Variants in KIF13B observed in about 807,000 individuals in gnomAD.
The protein encoded by KIF13B is kinesin family member 13B.
KIF13B carries 127 observed loss-of-function variants against 222.0 expected under a neutral mutation model. The ratio of observed to expected loss-of-function variants is 0.57; its 90% CI spans 0.50 to 0.66. The LOEUF (loss-of-function observed/expected upper bound fraction) is 0.66. Among genes scored for constraint, KIF13B ranks in the 30% least tolerant of loss-of-function variants. The pLI is 0.00. For missense variants in KIF13B, 2,173 were observed against 2,379.0 expected, an observed-to-expected ratio of 0.91 and a Z score of 1.80; for synonymous variants, 976 against 919.0, an observed-to-expected ratio of 1.06 and a Z score of -1.12.
chr8:29,093,546 G>A (rs1311362977), intron 36 of KIF13B, among the ~76,000 whole-genome samples: 2 of 152,080 alleles, frequency 1.3e-5, no homozygotes, highest in African/African-American at 2.4e-5. Flanking sequence ...ATAAAAAGCC[G>A]TATTCACACA....
At chr8:29,105,142 A>T (rs1438779998) in intron 35 of KIF13B, among the ~76,000 whole-genome samples, 2 of 150,302 alleles carry the variant, frequency 1.3e-5, no homozygotes, top group African/African-American at 2.4e-5. Context: ...AATTTTTTAA[A>T]TTTTTTTTTG....
chr8:29,139,041 G>C lies in KIF13B; in HGVS notation c.2613+1022C>G, dbSNP rs78985062. The stretch of plus-strand genomic sequence containing the variant: ...CTGGGGCGTGCCTGGGGTGCTAAGG[G>C]AGGGGGGCAGCACAGAAGTGGCTGA... On this transcript the variant is annotated intron_variant, in intron 21 of 39. Transcript: ENST00000524189. 7.0e-3 allele frequency among the ~76,000 whole-genome samples: 1,071 copies of C among 152,278 alleles called. 10 individuals carry two copies. Among genetic ancestry groups the C allele is most frequent in the African/African-American group, 0.025 (1,038 of 41,560 alleles).
At chr8:29,220,860 C>T (rs1814710041) in intron 2 of KIF13B, among the ~76,000 whole-genome samples, 1 of 152,116 alleles carries the variant, frequency 6.6e-6, no homozygotes, top group South Asian at 2.1e-4. Flanking sequence ...CAGAAAATCT[C>T]AGTACTTTGG....
chr8:29,172,934 A>ATTT (rs1812310879), intron 10 of KIF13B, among the ~76,000 whole-genome samples: 1 of 144,084 alleles, frequency 6.9e-6, no homozygotes. Flanking sequence ...TTTTTTTTTG[A>ATTT]GAGGGTTGTC....
chr8:29,078,877 A>T (rs561964199), intron 37 of KIF13B, among the ~76,000 whole-genome samples: 1 of 152,326 alleles, frequency 6.6e-6, no homozygotes, highest in African/African-American at 2.4e-5. Context: ...AACTGAACAG[A>T]TGAGTAGCTT....
At chr8:29,219,746 A>AAAAT (rs372012234) in intron 2 of KIF13B, among the ~76,000 whole-genome samples, 26,625 of 146,534 alleles carry the variant, frequency 0.18, 2,616 homozygotes, top group Non-Finnish European at 0.2. Context: ...CCCTGTTTCC[A>AAAAT]AAATAAATAA....
intron 6 of KIF13B, among the ~76,000 whole-genome samples, chr8:29,183,286 G>A (rs1268120881): frequency 6.6e-6 from 1 of 150,632 alleles, no homozygotes; most frequent in Non-Finnish European, 1.5e-5. Flanking sequence ...CGAATAGCTG[G>A]GATTACAGGT....
chr8:29,252,649 T>A (rs1339911500), intron 1 of KIF13B, among the ~76,000 whole-genome samples: 1 of 152,206 alleles, frequency 6.6e-6, no homozygotes, highest in Admixed American at 6.5e-5. Flanking sequence ...TTTCAACCAA[T>A]TAGTGTCACA....
At chr8:29,256,826 C>T (rs993131140) in intron 1 of KIF13B, among the ~76,000 whole-genome samples, 2 of 152,198 alleles carry the variant, frequency 1.3e-5, no homozygotes, top group African/African-American at 4.8e-5. Context: ...GCGATTTCAG[C>T]TCACTGCAAC....
intron 2 of KIF13B, among the ~76,000 whole-genome samples, chr8:29,223,651 G>A (rs1814871691): frequency 6.6e-6 from 1 of 152,174 alleles, no homozygotes; most frequent in African/African-American, 2.4e-5. Flanking sequence ...GTTAATGTAT[G>A]TTATTAAGTA....
Position 29,142,307 on chromosome 8 carries a change from C to A in KIF13B, c.2188-4G>T. Reference sequence around the variant, plus strand: ...GCTCACTAAGAAGAGAGCCTCGCTGCAAAGAGAGTAAGAATGACCGTGAGA... The same window carrying A: ...GCTCACTAAGAAGAGAGCCTCGCTGAAAAGAGAGTAAGAATGACCGTGAGA... On this transcript the variant is annotated splice_polypyrimidine_tract_variant and splice_region_variant and intron_variant, in intron 18 of 39. Coordinates refer to ENST00000524189, the MANE Select transcript of KIF13B (RefSeq NM_015254.4). The A allele has an allele frequency of 6.2e-7, 1 of 1,609,276 alleles. No individual in the cohort carries two copies. Among genetic ancestry groups the A allele is most frequent in the Non-Finnish European group, 8.5e-7 (1 of 1,177,600 alleles).
At chr8:29,152,123 T>C (rs1811326083) in intron 14 of KIF13B, among the ~76,000 whole-genome samples, 1 of 152,136 alleles carries the variant, frequency 6.6e-6, no homozygotes, top group Non-Finnish European at 1.5e-5. Flanking sequence ...GAGACATGAA[T>C]AAGAAGTGGA....
chr8:29,172,771 C>T (rs545347017), intron 10 of KIF13B, among the ~76,000 whole-genome samples: 27 of 152,240 alleles, frequency 1.8e-4, no homozygotes, highest in Admixed American at 1.6e-3. Flanking sequence ...GGAAAGGAGA[C>T]GATACCCATG....
At chr8:29,087,222 C>T (rs1376122613) in intron 37 of KIF13B, among the ~76,000 whole-genome samples, 3 of 152,160 alleles carry the variant, frequency 2.0e-5, no homozygotes, top group African/African-American at 4.8e-5. Context: ...TACCTGCTAC[C>T]TGGAAATGAA....
chr8:29,127,993 AG>A (rs1373644930), intron 24 of KIF13B, among the ~76,000 whole-genome samples: 2 of 151,690 alleles, frequency 1.3e-5, no homozygotes, highest in Non-Finnish European at 2.9e-5. Flanking sequence ...GACATGTTAA[AG>A]TACCAGTAAA....
In KIF13B at chr8:29,068,730, T is replaced by G. The variant is rs900344710; in HGVS notation, c.*1774A>C. 4 of 152,420 alleles carry G rather than the reference T, an allele frequency of 2.6e-5. No individual in the cohort carries two copies. The highest frequency in any genetic ancestry group is 6.5e-5 in the Admixed American group (1 of 15,286). 9.4% of individuals were successfully genotyped at this position (152,420 alleles called of 1,614,324 possible). A position where few individuals can be genotyped will look rare whatever the true frequency, so the allele number is the denominator to read the frequency against. ...TGCTGGCCTCTCACCCAGGCCATAG[T>G]GACACCAGCGGACCCAAAAACAAAC... is the stretch of plus-strand genomic sequence containing the variant. On this transcript the variant is annotated 3_prime_UTR_variant, in exon 40 of 40. Coordinates refer to ENST00000524189, the MANE Select transcript of KIF13B (RefSeq NM_015254.4). The surrounding 1 kb of genome is among the most constrained non-coding windows in gnomAD (Gnocchi z 4.4).
chr8:29,187,069 C>G (rs1008209414), intron 5 of KIF13B, among the ~76,000 whole-genome samples: 5 of 151,820 alleles, frequency 3.3e-5, no homozygotes, highest in African/African-American at 1.2e-4. Flanking sequence ...AAAAGTTTTC[C>G]GAAATAAGCT....
Position 29,163,394 on chromosome 8 carries a change from G to C in KIF13B, c.1269+2268C>G, listed in dbSNP as rs144360894. 1.8e-3 allele frequency among the ~76,000 whole-genome samples: 273 copies of C among 152,328 alleles called. 2 individuals carry two copies. The highest frequency in any genetic ancestry group is 0.017 in the Middle Eastern group (5 of 292). On this transcript the variant is annotated intron_variant, in intron 12 of 39. Coordinates refer to ENST00000524189, the MANE Select transcript of KIF13B (RefSeq NM_015254.4). ...CCACAGGAAGATGTTACAGAGCCCA[G>C]AGGACCCATGGAGAACCCAGCTAAC...
At position 29,181,963 on chromosome 8, in the gene KIF13B, G is replaced by A. The variant is rs750613859; in HGVS notation, c.541C>T (p.Pro181Ser). 7 of 1,613,532 alleles carry A rather than the reference G, an allele frequency of 4.3e-6. No individual in the cohort carries two copies. In the Admixed American group the frequency reaches 5.0e-5, roughly 12 times the overall value. Residue 181 changes from proline to serine, a missense_variant, in exon 7 of 40, where the codon CCT (proline) becomes TCT (serine). Pro to Ser is a moderately conservative substitution (Grantham distance 74, BLOSUM62 -1). Transcript: ENST00000524189. ...LKVREHSVLG[P>S]YVDGLSKLAV... Reference sequence around the variant, plus strand: ...AGTTTAGAAAGTCCGTCGACATAAGGTCCCAACACACTATGCTCTCTGACT... The same window carrying A: ...AGTTTAGAAAGTCCGTCGACATAAGATCCCAACACACTATGCTCTCTGACT...
Sources: allele counts gnomAD v4.1 joint callset (sites outside exome capture counted in the v4.1 genomes callset), GRCh38; gene constraint gnomAD v4.1.1; non-coding constraint Gnocchi (gnomAD v3.1); transcripts MANE v1.5; gene names NCBI Gene and HGNC (gene_info 2026-07-23, HGNC 2026-07-21).